Variants in TAOK3 observed in about 807,000 individuals in gnomAD.
TAOK3 encodes serine/threonine-protein kinase TAO3.
In TAOK3, 40 loss-of-function variants were observed where a neutral mutation model predicts 120.4. The ratio of observed to expected loss-of-function variants is 0.33; its 90% CI spans 0.26 to 0.43. The LOEUF (loss-of-function observed/expected upper bound fraction) is 0.43. Ranked by LOEUF, TAOK3 falls within the 20% of genes least tolerant of loss-of-function variation. TAOK3 has a pLI of 1.00. For missense variants in TAOK3, 821 were observed against 1,112.1 expected (o/e 0.74, Z 3.72); for synonymous variants, 355 against 387.5 (o/e 0.92, Z 0.99).
At chr12:118,210,769 C>T (rs1205037862) in intron 11 of TAOK3, among the ~76,000 whole-genome samples, 6 of 141,666 alleles carry the variant, frequency 4.2e-5, no homozygotes, top group East Asian at 2.1e-4. Flanking sequence ...GACCTAGTGT[C>T]GCTCTGTTGC....
intron 1 of TAOK3, among the ~76,000 whole-genome samples, chr12:118,293,640 C>T (rs1191219235): frequency 1.3e-5 from 2 of 150,810 alleles, no homozygotes; most frequent in Non-Finnish European, 2.9e-5. Context: ...CACCATTGCA[C>T]TCCAGCCTGG....
chr12:118,196,590 C>T (rs980924055), intron 13 of TAOK3, among the ~76,000 whole-genome samples: 30 of 152,070 alleles, frequency 2.0e-4, no homozygotes, highest in African/African-American at 7.0e-4. Context: ...ATTCCTTCTC[C>T]CATATTCATA....
In TAOK3 at chr12:118,280,550, C is replaced by T. The variant is rs574314021; in HGVS notation, c.-193-13791G>A. 1.7e-3 allele frequency among the ~76,000 whole-genome samples: 260 copies of T among 152,278 alleles called. 2 individuals carry two copies. The highest frequency in any genetic ancestry group is 5.7e-3 in the African/African-American group (237 of 41,566). ...GGGCTCTCTATTCTGTTCCACTGGT[C>T]TATGTGTCTGTTTTTGTACCAGTAC... On this transcript the variant is annotated intron_variant, in intron 1 of 20. Coordinates refer to ENST00000392533, the MANE Select transcript of TAOK3 (RefSeq NM_016281.4).
Position 118,152,428 on chromosome 12 carries a change from C to G in TAOK3, c.2353-19G>C. 1.9e-6 allele frequency: 3 copies of G among 1,601,160 alleles called. No homozygotes were observed. Among genetic ancestry groups the G allele is most frequent in the Non-Finnish European group, 2.6e-6 (3 of 1,175,016 alleles). On this transcript the variant is annotated intron_variant, in intron 19 of 20. Coordinates refer to ENST00000392533, the MANE Select transcript of TAOK3 (RefSeq NM_016281.4). ...GCCGTAACTGCGGACACAGAAGACA[C>G]ACACGGTCATGCACCCTTGCCTACA...
intron 9 of TAOK3, among the ~76,000 whole-genome samples, chr12:118,215,601 G>C (rs1359494564): frequency 1.3e-5 from 2 of 152,032 alleles, no homozygotes; most frequent in African/African-American, 4.8e-5. Flanking sequence ...GCCTGATTCA[G>C]GCCAAATAAT....
chr12:118,170,173 G>T (rs867808550), intron 17 of TAOK3, among the ~76,000 whole-genome samples: 2 of 149,954 alleles, frequency 1.3e-5, no homozygotes, highest in African/African-American at 4.9e-5. Context: ...TTCTCAAGCA[G>T]TTTTTTTTTT....
chr12:118,318,335 T>C (rs1385576911), intron 1 of TAOK3, among the ~76,000 whole-genome samples: 1 of 152,004 alleles, frequency 6.6e-6, no homozygotes. Context: ...TTTTTGTATT[T>C]TTAGTAAAGA....
At chr12:118,151,361 A>G (rs2034423425) in intron 20 of TAOK3, among the ~76,000 whole-genome samples, 1 of 152,096 alleles carries the variant, frequency 6.6e-6, no homozygotes, top group Non-Finnish European at 1.5e-5. Context: ...GAGTCCTGTG[A>G]TCAATGCATC....
rs779353158 is a variant in TAOK3 at position 118,167,927 on chromosome 12, G to A, written c.1899+4530C>T. ...CCAGCGTGGCTCTTCATGTTTTCCCGCTCAGTTCTTCAGCTCTTTACCTAC... is the reference window on the plus strand; with the variant it reads ...CCAGCGTGGCTCTTCATGTTTTCCCACTCAGTTCTTCAGCTCTTTACCTAC... On this transcript the variant is annotated intron_variant, in intron 17 of 20. Coordinates refer to ENST00000392533, the MANE Select transcript of TAOK3 (RefSeq NM_016281.4). Among the ~76,000 whole-genome samples, 293 of 152,162 alleles carry A rather than the reference G, an allele frequency of 1.9e-3. 1 individual carries two copies. Among genetic ancestry groups the A allele is most frequent in the Middle Eastern group, 3.4e-3 (1 of 294 alleles).
intron 9 of TAOK3, among the ~76,000 whole-genome samples, chr12:118,218,911 C>G (rs2039078917): frequency 6.6e-6 from 1 of 152,152 alleles, no homozygotes; most frequent in Non-Finnish European, 1.5e-5. Context: ...CGAGATCACA[C>G]CACTGCACTC....
chr12:118,218,114 C>T (rs531247894), intron 9 of TAOK3, among the ~76,000 whole-genome samples: 3 of 151,610 alleles, frequency 2.0e-5, no homozygotes, highest in Non-Finnish European at 2.9e-5. Context: ...TCCGCCTTGG[C>T]CTCCCAAGTA....
chr12:118,286,652 A>G (rs1240999688), intron 1 of TAOK3, among the ~76,000 whole-genome samples: 1 of 152,184 alleles, frequency 6.6e-6, no homozygotes, highest in Non-Finnish European at 1.5e-5. Flanking sequence ...ACTGTGGAAA[A>G]CAGTGTGGAG....
intron 3 of TAOK3, chr12:118,246,300 A>G (rs1346564067): frequency 6.3e-7 from 1 of 1,579,258 alleles, no homozygotes; most frequent in Admixed American, 1.7e-5. Context: ...GGTCAAGGAC[A>G]TGAAGATCAA....
chr12:118,209,792 C>A (rs1180916239), intron 11 of TAOK3, among the ~76,000 whole-genome samples: 1 of 151,584 alleles, frequency 6.6e-6, no homozygotes, highest in East Asian at 1.9e-4. Flanking sequence ...CGGCTCACTG[C>A]AACCTCTGCC....
intron 1 of TAOK3, among the ~76,000 whole-genome samples, chr12:118,275,241 C>T (rs1400516799): frequency 1.3e-5 from 2 of 152,034 alleles, no homozygotes; most frequent in Non-Finnish European, 2.9e-5. Context: ...GGGGTTCAAG[C>T]AGCCCTCTTG....
At chr12:118,310,420 C>T (rs1333787203) in intron 1 of TAOK3, among the ~76,000 whole-genome samples, 1 of 152,154 alleles carries the variant, frequency 6.6e-6, no homozygotes, top group South Asian at 2.1e-4. Context: ...AACATATAAA[C>T]AAGGTAAGTT....
intron 11 of TAOK3, among the ~76,000 whole-genome samples, chr12:118,204,140 G>T (rs2038173901): frequency 6.6e-6 from 1 of 151,880 alleles, no homozygotes. Flanking sequence ...TGTGATGCAT[G>T]CCTGTAATCC....
intron 1 of TAOK3, among the ~76,000 whole-genome samples, chr12:118,347,190 A>G (rs1566153688): frequency 1.3e-5 from 2 of 152,060 alleles, no homozygotes; most frequent in Admixed American, 1.3e-4. Context: ...AAAAATTATC[A>G]TTTGTAGAGA....
At chr12:118,278,921 C>T (rs1235385496) in intron 1 of TAOK3, among the ~76,000 whole-genome samples, 2 of 152,198 alleles carry the variant, frequency 1.3e-5, no homozygotes, top group East Asian at 3.8e-4. Context: ...ATTCTCCTGC[C>T]TCAGCCTCTT....
Sources: allele counts gnomAD v4.1 joint callset (sites outside exome capture counted in the v4.1 genomes callset), GRCh38; gene constraint gnomAD v4.1.1; transcripts MANE v1.5; gene names NCBI Gene and HGNC (gene_info 2026-07-23, HGNC 2026-07-21).